NKAIN2: variants seen among roughly 807,000 people sequenced by gnomAD.
The protein encoded by NKAIN2 is sodium/potassium-transporting ATPase subunit beta-1-interacting protein 2.
In NKAIN2, 14 loss-of-function variants were observed where a neutral mutation model predicts 32.6. The ratio of observed to expected loss-of-function variants is 0.43; its 90% confidence interval spans 0.28 to 0.67. NKAIN2 has a LOEUF of 0.67. Among genes scored for constraint, NKAIN2 ranks in the 30% least tolerant of loss-of-function variants. NKAIN2 has a pLI of 0.17. For synonymous variants in NKAIN2, 80 were observed against 87.2 expected (o/e 0.92, Z 0.46); for missense variants, 198 against 258.3 (o/e 0.77, Z 1.60).
rs995831955 is a variant in NKAIN2, at chr6:124,718,608, A to G, written c.474+60222A>G. ...ATTAATATTCCCCATAGAATTTCCT[A>G]TGAAGAAATTCACAATCTTTGCAAC... On this transcript the variant is annotated intron_variant, in intron 4 of 6. Coordinates refer to ENST00000368417, the MANE Select transcript of NKAIN2 (RefSeq NM_001040214.3). Among the ~76,000 whole-genome samples the G allele has an allele frequency of 2.6e-5, 4 of 152,164 alleles. 1 individual carries two copies. Among genetic ancestry groups the G allele is most frequent in the African/African-American group, 7.2e-5 (3 of 41,434 alleles).
intron 3 of NKAIN2, among the ~76,000 whole-genome samples, chr6:124,392,785 A>G (rs1377866514): frequency 6.6e-6 from 1 of 152,180 alleles, no homozygotes; most frequent in East Asian, 1.9e-4. Context: ...AAATTTTATA[A>G]ATAATTCAGT....
intron 1 of NKAIN2, among the ~76,000 whole-genome samples, chr6:123,871,862 T>C (rs964402694): frequency 6.6e-6 from 1 of 152,208 alleles, no homozygotes; most frequent in Non-Finnish European, 1.5e-5. Context: ...AAGTCAAGTT[T>C]ATTTCTTTGA....
intron 1 of NKAIN2, chr6:123,823,205 A>G (rs1034299449): frequency 1.3e-5 from 2 of 152,250 alleles, no homozygotes; most frequent in Admixed American, 6.5e-5. Context: ...TTTACAAAAC[A>G]CTTTTGACAT....
intron 2 of NKAIN2, among the ~76,000 whole-genome samples, chr6:124,336,234 G>T (rs1797851747): frequency 6.6e-6 from 1 of 152,132 alleles, no homozygotes; most frequent in Non-Finnish European, 1.5e-5. Flanking sequence ...CTCTCAGGCA[G>T]GTCAAATCAT....
chr6:124,733,638 G>C (rs1032075188), intron 4 of NKAIN2, among the ~76,000 whole-genome samples: 3 of 151,824 alleles, frequency 2.0e-5, no homozygotes, highest in African/African-American at 7.2e-5. Flanking sequence ...CACTGTTTTA[G>C]TGGGAGGTTG....
rs5879737 is a variant in NKAIN2, at chr6:124,466,750, G to GAA, written c.273+111415_273+111416dup. ...TTTATTTAAGCTCAGAGTAAAAAAAGAAAAAAAAAAAAAGAAATCAGGAAA... is the reference window on the plus strand; with the variant it reads ...TTTATTTAAGCTCAGAGTAAAAAAAGAAAAAAAAAAAAAAAGAAATCAGGAAA... On this transcript the variant is annotated intron_variant, in intron 3 of 6. Coordinates refer to ENST00000368417, the MANE Select transcript of NKAIN2 (RefSeq NM_001040214.3). Among the ~76,000 whole-genome samples, 4 of 144,018 alleles carry GAA rather than the reference G, an allele frequency of 2.8e-5. No homozygotes were observed. In the East Asian group the frequency reaches 6.1e-4, roughly 22 times the overall value. The allele number at this position is 144,018 out of a possible 152,430, so 94.5% of individuals were successfully genotyped here.
At chr6:123,930,727 A>G (rs1297762939) in intron 1 of NKAIN2, among the ~76,000 whole-genome samples, 1 of 152,102 alleles carries the variant, frequency 6.6e-6, no homozygotes, top group Non-Finnish European at 1.5e-5. Flanking sequence ...GTCAATAGGG[A>G]AATGTTTGTT....
chr6:124,176,331 CAT>C (rs1331903793), intron 1 of NKAIN2, among the ~76,000 whole-genome samples: 1 of 152,002 alleles, frequency 6.6e-6, no homozygotes, highest in Non-Finnish European at 1.5e-5. Context: ...AAAGTATGCC[CAT>C]AGTTTGGTTC....
chr6:124,129,836 C>T (rs150278700), intron 1 of NKAIN2, among the ~76,000 whole-genome samples: 1,756 of 152,262 alleles, frequency 0.012, 37 homozygotes, highest in African/African-American at 0.037. Context: ...CCAGGCTGGT[C>T]TTGAACTCCT....
intron 3 of NKAIN2, among the ~76,000 whole-genome samples, chr6:124,445,086 C>A (rs184314437): frequency 3.3e-5 from 5 of 151,824 alleles, no homozygotes; most frequent in African/African-American, 1.2e-4. Context: ...AATAACGAAA[C>A]CTCTGCAAGG....
intron 5 of NKAIN2, among the ~76,000 whole-genome samples, chr6:124,806,247 G>T (rs529789604): frequency 6.6e-6 from 1 of 152,086 alleles, no homozygotes; most frequent in Non-Finnish European, 1.5e-5. Context: ...GAGAAAGATC[G>T]GGTTACACAC....
At chr6:124,106,233 G>A (rs958770586) in intron 1 of NKAIN2, among the ~76,000 whole-genome samples, 2 of 152,156 alleles carry the variant, frequency 1.3e-5, no homozygotes, top group African/African-American at 4.8e-5. Flanking sequence ...AAGAGTTACA[G>A]TGACACTAGT....
intron 1 of NKAIN2, among the ~76,000 whole-genome samples, chr6:123,830,260 C>T (rs1383287675): frequency 6.6e-6 from 1 of 152,168 alleles, no homozygotes; most frequent in Non-Finnish European, 1.5e-5. Context: ...CTTCTTTACA[C>T]AGCAGCCAAA....
chr6:124,082,632 C>T (rs1185701745), intron 1 of NKAIN2, among the ~76,000 whole-genome samples: 1 of 150,204 alleles, frequency 6.7e-6, no homozygotes. Flanking sequence ...GACACATGGC[C>T]AATATAAAAA....
In NKAIN2 at chr6:124,743,295, T is replaced by G. The variant is rs562631468; in HGVS notation, c.475-48044T>G. On this transcript the variant is annotated intron_variant, in intron 4 of 6. Coordinates refer to ENST00000368417, the MANE Select transcript of NKAIN2 (RefSeq NM_001040214.3). The stretch of plus-strand genomic sequence containing the variant: ...CCACTACACAAATAAAAGAATGTGG[T>G]AAACCCTCAATGTGTTTTTGATGTT... Among the ~76,000 whole-genome samples the G allele has an allele frequency of 3.3e-5, 5 of 152,028 alleles. 1 individual carries two copies. The South Asian group carries it at 1.0e-3, about 32-fold the overall frequency.
chr6:124,670,163 G>T (rs1411567314), intron 4 of NKAIN2, among the ~76,000 whole-genome samples: 1 of 152,100 alleles, frequency 6.6e-6, no homozygotes, highest in Non-Finnish European at 1.5e-5. Flanking sequence ...TTACTTGATT[G>T]CTAGAAGCCA....
intron 3 of NKAIN2, among the ~76,000 whole-genome samples, chr6:124,615,471 T>C (rs980241999): frequency 4.6e-5 from 7 of 152,166 alleles, no homozygotes; most frequent in African/African-American, 1.4e-4. Context: ...AAGTCCTTAA[T>C]AAATGCACAT....
chr6:124,252,753 G>A (rs112639436), intron 1 of NKAIN2, among the ~76,000 whole-genome samples: 12 of 152,092 alleles, frequency 7.9e-5, no homozygotes, highest in Middle Eastern at 3.4e-3. Flanking sequence ...TTACAGTTTC[G>A]GGGTTCAGTC....
intron 1 of NKAIN2, among the ~76,000 whole-genome samples, chr6:123,831,049 G>C (rs888783528): frequency 2.6e-5 from 4 of 152,180 alleles, no homozygotes; most frequent in African/African-American, 9.7e-5. Flanking sequence ...GTCTTGCAAA[G>C]GTCAGAGCAT....
Sources: allele counts gnomAD v4.1 joint callset (sites outside exome capture counted in the v4.1 genomes callset), GRCh38; gene constraint gnomAD v4.1.1; transcripts MANE v1.5; gene names NCBI Gene and HGNC (gene_info 2026-07-23, HGNC 2026-07-21).